ZMYM5: variants seen among roughly 807,000 people sequenced by gnomAD.
ZMYM5 encodes the protein zinc finger MYM-type protein 5.
ZMYM5 carries 41 observed loss-of-function variants against 61.8 expected under a neutral mutation model. That is an observed-to-expected ratio of 0.66 (90% confidence interval 0.52 to 0.86). The LOEUF is 0.86. ZMYM5 is among the 40% of genes least tolerant of loss of function. ZMYM5 has a pLI of 0.00. For synonymous variants in ZMYM5, 257 were observed against 276.4 expected (o/e 0.93, Z 0.70); for missense variants, 706 against 786.7 (o/e 0.90, Z 1.23).
At chr13:19,862,664 C>T (rs1296470231) in intron 1 of ZMYM5, among the ~76,000 whole-genome samples, 198 bp from the exon 2 acceptor site, 1 of 152,106 alleles carries the variant, frequency 6.6e-6, no homozygotes, top group Non-Finnish European at 1.5e-5. Context: ...GCTAAAAGTG[C>T]TTCGTCCAAC....
At chr13:19,828,087 A>G (rs961255610) in intron 7 of ZMYM5, among the ~76,000 whole-genome samples, 13 of 151,842 alleles carry the variant, frequency 8.6e-5, no homozygotes, top group Non-Finnish European at 1.9e-4. Flanking sequence ...ACACAACACA[A>G]CTTGAGTACC....
At chr13:19,851,063 G>C (rs1953273337) in intron 4 of ZMYM5, among the ~76,000 whole-genome samples, 1 of 152,014 alleles carries the variant, frequency 6.6e-6, no homozygotes. Flanking sequence ...ACAAAAACTA[G>C]CCGAGTGTGG....
chr13:19,851,970 T>C lies in ZMYM5; in HGVS notation c.211A>G (p.Ile71Val), dbSNP rs774982568. 7.4e-6 allele frequency: 12 copies of C among 1,614,056 alleles called. No homozygotes were observed. Among genetic ancestry groups the C allele is most frequent in the Non-Finnish European group, 9.3e-6 (11 of 1,180,006 alleles). ...TGATCAGCTATTGCTGGAGCAGAAA[T>C]TGAAGGAGGTTGTATAGATTCAATA... The part of the protein sequence containing the change: ...VFIESIQPPS[I>V]SAPAIADQRN... The change falls in exon 3 of 8, where the codon ATT becomes GTT. Residue 71 changes from isoleucine (I) to valine (V), a missense_variant. Ile to Val is a conservative substitution (Grantham distance 29). Around this residue, in one of 2 missense-constraint regions of ZMYM5, gnomAD observed 480 missense variants for 461.7 expected, o/e 1.04. Coordinates refer to ENST00000337963, the MANE Select transcript of ZMYM5 (RefSeq NM_001142684.2).
rs370859216 is a variant in ZMYM5 at position 19,825,104 on chromosome 13, T to C, written c.1383A>G (p.Glu461=). 2.2e-4 allele frequency: 297 copies of C among 1,366,698 alleles called. No homozygotes were observed. The highest frequency in any genetic ancestry group is 2.8e-4 in the Non-Finnish European group (288 of 1,021,484). The allele number at this position is 1,366,698 out of a possible 1,614,324, so 84.7% of individuals were successfully genotyped here. A position where few individuals can be genotyped will look rare whatever the true frequency, so the allele number is the denominator to read the frequency against. The change falls in exon 8 of 8, where the codon GAA becomes GAG. Residue 461 remains glutamate, a synonymous_variant. Transcript: ENST00000337963. Reference sequence around the variant, plus strand: ...GTAGCTGTGAAGTCTTTTCCTTTTTTTCTGGGATTCCCTCTATTTTTTTCA... The same window carrying C: ...GTAGCTGTGAAGTCTTTTCCTTTTTCTCTGGGATTCCCTCTATTTTTTTCA... The part of the protein sequence containing the change: ...TLLKKIEGIP[E]KKEKTSQLQL...
Position 19,837,034 on chromosome 13 carries a change from T to C in ZMYM5, c.1038+622A>G, listed in dbSNP as rs567382401. 7.6e-4 allele frequency among the ~76,000 whole-genome samples: 116 copies of C among 151,850 alleles called. No homozygotes were observed. The Middle Eastern group carries it at 0.01, about 13-fold the overall frequency. ...GGTATGTTGTTTTTTGTTTTTTTTT[T>C]TTTCTTTCTTTTTTTGAGACAGAGT... On this transcript the variant is annotated intron_variant, in intron 6 of 7. Coordinates refer to ENST00000337963, the MANE Select transcript of ZMYM5 (RefSeq NM_001142684.2).
At chr13:19,831,872 T>C in intron 7 of ZMYM5, among the ~76,000 whole-genome samples, 1 of 151,762 alleles carries the variant, frequency 6.6e-6, no homozygotes, top group Non-Finnish European at 1.5e-5. Context: ...TCTTTTGTTT[T>C]TGAGATGGAG....
intron 4 of ZMYM5, among the ~76,000 whole-genome samples, chr13:19,846,982 C>T (rs1303120988): frequency 1.3e-5 from 2 of 152,116 alleles, no homozygotes; most frequent in African/African-American, 2.4e-5. Flanking sequence ...CAGTCTCGCT[C>T]TGCTGCCCAG....
rs34468029 is a variant in ZMYM5, at chr13:19,858,585, CAAAAAAAA to C, written c.-11+3806_-11+3813del. On this transcript the variant is annotated intron_variant, in intron 2 of 7. Coordinates refer to ENST00000337963, the MANE Select transcript of ZMYM5 (RefSeq NM_001142684.2). ...GGTGACAGACTGAGAGACGCTGTTT[CAAAAAAAA>C]AAAAAAAAAAAAAAAGATGGCCGAT... Among the ~76,000 whole-genome samples the C allele has an allele frequency of 2.1e-4, 18 of 85,314 alleles. 1 individual carries two copies. The highest frequency in any genetic ancestry group is 8.5e-4 in the African/African-American group (17 of 20,040). 56.0% of individuals were successfully genotyped at this position (85,314 alleles called of 152,430 possible).
intron 7 of ZMYM5, among the ~76,000 whole-genome samples, chr13:19,827,410 A>G (rs1036326815): frequency 1.3e-5 from 2 of 152,326 alleles, no homozygotes; most frequent in African/African-American, 4.8e-5. Flanking sequence ...ATTTAAAGTG[A>G]GAACTAAGCA....
chr13:19,844,004 G>A (rs909747320), intron 4 of ZMYM5, among the ~76,000 whole-genome samples: 6 of 151,886 alleles, frequency 4.0e-5, no homozygotes, highest in African/African-American at 1.5e-4. Context: ...TGGACGTGGT[G>A]GCAGGCGCCT....
intron 4 of ZMYM5, among the ~76,000 whole-genome samples, chr13:19,840,897 T>G (rs1010825217): frequency 6.6e-6 from 1 of 151,992 alleles, no homozygotes; most frequent in Non-Finnish European, 1.5e-5. Context: ...CAGGATGGTC[T>G]TGATCTCCTG....
chr13:19,831,776 A>T (rs1267030932), intron 7 of ZMYM5, among the ~76,000 whole-genome samples: 2 of 103,552 alleles, frequency 1.9e-5, no homozygotes, highest in Non-Finnish European at 3.6e-5. Flanking sequence ...TGACAGAGAG[A>T]GACTCTGTCT....
chr13:19,844,276 C>T (rs1255117037), intron 4 of ZMYM5, among the ~76,000 whole-genome samples: 1 of 152,128 alleles, frequency 6.6e-6, no homozygotes, highest in African/African-American at 2.4e-5. Flanking sequence ...TGCCACTGCA[C>T]TCCAGCCTGA....
chr13:19,827,170 C>T (rs9578222), intron 7 of ZMYM5, among the ~76,000 whole-genome samples: 14,942 of 152,112 alleles, frequency 0.098, 866 homozygotes, highest in African/African-American at 0.16. Context: ...AATTTTAGGG[C>T]ATGTTAATTA....
chr13:19,827,168 G>A (rs1281586486), intron 7 of ZMYM5, among the ~76,000 whole-genome samples: 1 of 151,918 alleles, frequency 6.6e-6, no homozygotes, highest in African/African-American at 2.4e-5. Flanking sequence ...TGAATTTTAG[G>A]GCATGTTAAT....
In ZMYM5 at chr13:19,824,882, G is replaced by C; in HGVS notation, c.1605C>G (p.Asp535Glu). 1 of 1,356,410 alleles carries C rather than the reference G, an allele frequency of 7.4e-7. No homozygotes were observed. Among genetic ancestry groups the C allele is most frequent in the Non-Finnish European group, 9.8e-7 (1 of 1,015,754 alleles). The allele number at this position is 1,356,410 out of a possible 1,614,324, so 84.0% of individuals were successfully genotyped here. A position where few individuals can be genotyped will look rare whatever the true frequency, so the allele number is the denominator to read the frequency against. ...GAGGCGGAACATTTTCAACAAGAGT[G>C]TCCCGTTGTTTAATATTCAAAATTC... ...WPRILNIKQR[D>E]TLVENVPPQV... The change falls in exon 8 of 8, where the codon GAC becomes GAG. Residue 535 changes from aspartate to glutamate, a missense_variant. By Grantham distance (45) the Asp-to-Glu change is conservative. Coordinates refer to ENST00000337963, the MANE Select transcript of ZMYM5 (RefSeq NM_001142684.2).
At chr13:19,852,211 A>C in intron 2 of ZMYM5, 21 bp from the exon 3 acceptor site, 1 of 1,514,674 alleles carries the variant, frequency 6.6e-7, no homozygotes, top group Non-Finnish European at 8.8e-7. Flanking sequence ...AGAAAAGAAA[A>C]AAAAAAGTTC....
At position 19,831,015 on chromosome 13, in the gene ZMYM5, A is replaced by G. The variant is rs369531035; in HGVS notation, c.1251+4462T>C. ...CCACCACGCCCGGCTAATTTTTTGT[A>G]TGTTTAGTAGAGACAGGGTTTCACC... On this transcript the variant is annotated intron_variant, in intron 7 of 7. Transcript: ENST00000337963. 1.0e-4 allele frequency among the ~76,000 whole-genome samples: 15 copies of G among 150,750 alleles called. No homozygotes were observed. The East Asian group carries it at 2.4e-3, about 24-fold the overall frequency.
chr13:19,856,017 CAAAAACAAAAA>C (rs954298457), intron 2 of ZMYM5, among the ~76,000 whole-genome samples: 26 of 146,086 alleles, frequency 1.8e-4, no homozygotes, highest in Admixed American at 1.4e-3. Context: ...GATTCCATCT[CAAAAACAAAAA>C]AAAAACAAAA....
Sources: allele counts gnomAD v4.1 joint callset (sites outside exome capture counted in the v4.1 genomes callset), GRCh38; gene constraint gnomAD v4.1.1; regional missense constraint gnomAD v4.1.1; transcripts MANE v1.5; gene names NCBI Gene and HGNC (gene_info 2026-07-23, HGNC 2026-07-21).